PLS1: variants seen among roughly 807,000 people sequenced by gnomAD.
The protein encoded by PLS1 is plastin 1.
In PLS1, 32 loss-of-function variants were observed where a neutral mutation model predicts 73.7. The observed-to-expected ratio is 0.43, with a 90% confidence interval of 0.33 to 0.58. The LOEUF (loss-of-function observed/expected upper bound fraction) is 0.58. Ranked by LOEUF, PLS1 falls within the 20% of genes least tolerant of loss-of-function variation. The probability of loss-of-function intolerance (pLI) is 0.04; values close to 1 mark genes in which losing one functional copy is unlikely to be tolerated. For synonymous variants in PLS1, 217 were observed against 261.3 expected, an observed-to-expected ratio of 0.83 and a Z score of 1.63; for missense variants, 633 against 740.5, an observed-to-expected ratio of 0.85 and a Z score of 1.68.
chr3:142,599,477 C>A (rs1258534844), intron 1 of PLS1, among the ~76,000 whole-genome samples: 30 of 151,464 alleles, frequency 2.0e-4, no homozygotes, highest in Admixed American at 1.8e-3. Flanking sequence ...CTACAGGCGC[C>A]CGCCACCGCG....
At chr3:142,708,604 A>G (rs1224641454) in intron 14 of PLS1, among the ~76,000 whole-genome samples, 1 of 152,236 alleles carries the variant, frequency 6.6e-6, no homozygotes, top group African/African-American at 2.4e-5. Flanking sequence ...GTTCTAATAC[A>G]TATCAAATAG....
intron 1 of PLS1, among the ~76,000 whole-genome samples, chr3:142,611,741 A>T (rs1258140422): frequency 1.3e-5 from 2 of 152,154 alleles, no homozygotes; most frequent in African/African-American, 4.8e-5. Context: ...AGGACCATTG[A>T]TTTTATGATA....
intron 8 of PLS1, among the ~76,000 whole-genome samples, 155 bp downstream of exon 8, chr3:142,684,550 T>C (rs950423417): frequency 2.0e-5 from 3 of 152,222 alleles, no homozygotes; most frequent in Non-Finnish European, 4.4e-5. Context: ...CCCCCAATTA[T>C]ATTCACAAAA....
chr3:142,666,520 A>G (rs534526846), intron 2 of PLS1, among the ~76,000 whole-genome samples: 44 of 152,314 alleles, frequency 2.9e-4, no homozygotes, highest in African/African-American at 1.0e-3. Flanking sequence ...TTGTATGTAT[A>G]TGCCACATTT....
chr3:142,636,941 C>T (rs374340115), intron 1 of PLS1, among the ~76,000 whole-genome samples: 7 of 152,190 alleles, frequency 4.6e-5, no homozygotes, highest in East Asian at 3.9e-4. Context: ...TGGAGGAACG[C>T]GAAATCTCAT....
intron 1 of PLS1, among the ~76,000 whole-genome samples, chr3:142,653,395 CTG>C (rs1391338894): frequency 6.8e-6 from 1 of 147,228 alleles, no homozygotes; most frequent in Admixed American, 6.8e-5. Flanking sequence ...TGGTCTGGCT[CTG>C]TTGCCCAGGC....
intron 1 of PLS1, among the ~76,000 whole-genome samples, chr3:142,641,601 A>G (rs1464998765): frequency 6.6e-6 from 1 of 151,726 alleles, no homozygotes; most frequent in African/African-American, 2.4e-5. Context: ...TTTCATGCTG[A>G]TGGATTCTTA....
At chr3:142,678,350 C>A (rs1466844587) in intron 6 of PLS1, among the ~76,000 whole-genome samples, 1 of 149,904 alleles carries the variant, frequency 6.7e-6, no homozygotes, top group African/African-American at 2.5e-5. Context: ...TATACATGTG[C>A]CATGCTGGTG....
At chr3:142,683,059 A>G (rs2037888371) in intron 6 of PLS1, among the ~76,000 whole-genome samples, 1 of 152,228 alleles carries the variant, frequency 6.6e-6, no homozygotes, top group South Asian at 2.1e-4. Context: ...TTGGAGCTCA[A>G]TAAATCACTT....
chr3:142,699,228 G>A (rs1322431531), intron 12 of PLS1, among the ~76,000 whole-genome samples: 2 of 152,160 alleles, frequency 1.3e-5, no homozygotes, highest in Admixed American at 6.5e-5. Context: ...GGGAGGCTAA[G>A]GCAGGTGGAT....
At chr3:142,690,931 G>A (rs1156629393) in intron 10 of PLS1, among the ~76,000 whole-genome samples, 3 of 152,132 alleles carry the variant, frequency 2.0e-5, no homozygotes, top group East Asian at 1.9e-4. Flanking sequence ...AGAGGAAGGC[G>A]CCAATCTTAA....
At chr3:142,648,469 C>T (rs780620948) in intron 1 of PLS1, among the ~76,000 whole-genome samples, 16 of 152,000 alleles carry the variant, frequency 1.1e-4, no homozygotes, top group Non-Finnish European at 1.9e-4. Flanking sequence ...AATTCAGTTG[C>T]GGGAGGCATC....
Position 142,689,739 on chromosome 3 carries a change from T to C in PLS1, c.1103T>C (p.Val368Ala). Residue 368 changes from valine to alanine, a missense_variant, in exon 10 of 16, where the codon GTA (valine) becomes GCA (alanine). Val to Ala is a moderately conservative substitution (Grantham distance 64, BLOSUM62 0). Transcript: ENST00000457734. ...SGNPKLNLAF[V>A]ANLFNTYPCL... ...AATCCTAAACTTAATTTAGCTTTTG[T>C]AGCTAATTTGTTTAACACATACCCG... is the stretch of plus-strand genomic sequence containing the variant. 1 of 1,610,260 alleles carries C rather than the reference T, an allele frequency of 6.2e-7. No homozygotes were observed. Among genetic ancestry groups the C allele is most frequent in the East Asian group, 2.2e-5 (1 of 44,730 alleles).
chr3:142,651,150 T>C lies in PLS1; in HGVS notation c.-36-13052T>C, dbSNP rs185177916. On this transcript the variant is annotated intron_variant, in intron 1 of 15. Coordinates refer to ENST00000457734, the MANE Select transcript of PLS1 (RefSeq NM_001145319.2). Reference sequence around the variant, plus strand: ...TTTCTTTTTCTTTTTTCTTTTCTCTTTTCTTTACTTTTAAGAGATGGAGAC... The same window carrying C: ...TTTCTTTTTCTTTTTTCTTTTCTCTCTTCTTTACTTTTAAGAGATGGAGAC... Among the ~76,000 whole-genome samples, 12 of 152,230 alleles carry C rather than the reference T, an allele frequency of 7.9e-5. No homozygotes were observed. The East Asian group carries it at 2.3e-3, about 29-fold the overall frequency.
At chr3:142,632,089 A>G (rs769889488) in intron 1 of PLS1, among the ~76,000 whole-genome samples, 3 of 152,198 alleles carry the variant, frequency 2.0e-5, no homozygotes, top group South Asian at 2.1e-4. Context: ...ATGACATACA[A>G]ATGGTCCATA....
chr3:142,603,153 A>G (rs2035957254), intron 1 of PLS1, among the ~76,000 whole-genome samples: 1 of 152,218 alleles, frequency 6.6e-6, no homozygotes, highest in Non-Finnish European at 1.5e-5. Context: ...GTAAGGTCAC[A>G]TGAGATGTGA....
intron 1 of PLS1, among the ~76,000 whole-genome samples, chr3:142,644,451 C>T (rs2036910293): frequency 6.6e-6 from 1 of 152,038 alleles, no homozygotes; most frequent in Non-Finnish European, 1.5e-5. Flanking sequence ...TGGGGTCTCT[C>T]TGTGTTGTCC....
intron 1 of PLS1, among the ~76,000 whole-genome samples, chr3:142,600,779 A>G (rs2108530446): frequency 6.7e-6 from 1 of 150,016 alleles, no homozygotes; most frequent in South Asian, 2.1e-4. Context: ...ATGGTCCATT[A>G]AAAATGTCAA....
chr3:142,681,159 A>G (rs1413124145), intron 6 of PLS1, among the ~76,000 whole-genome samples: 1 of 152,186 alleles, frequency 6.6e-6, no homozygotes, highest in African/African-American at 2.4e-5. Context: ...CTACCGCAAA[A>G]TACTTATAGA....
Sources: allele counts gnomAD v4.1 joint callset (sites outside exome capture counted in the v4.1 genomes callset), GRCh38; gene constraint gnomAD v4.1.1; transcripts MANE v1.5; gene names NCBI Gene and HGNC (gene_info 2026-07-23, HGNC 2026-07-21).